Variants in NAALADL2 observed in about 807,000 individuals in gnomAD.
The protein encoded by NAALADL2 is inactive N-acetylated-alpha-linked acidic dipeptidase-like protein 2.
In NAALADL2, 76 loss-of-function variants were observed where a neutral mutation model predicts 87.2. The observed-to-expected ratio is 0.87, with a 90% confidence interval of 0.72 to 1.05. The LOEUF is 1.05. Ranked by LOEUF, NAALADL2 falls within the 50% of genes least tolerant of loss-of-function variation. The pLI, the probability that NAALADL2 is intolerant of heterozygous loss-of-function variation, is 0.00. For synonymous variants in NAALADL2, 354 were observed against 331.0 expected (o/e 1.07, Z -0.75); for missense variants, 1,089 against 945.8 (o/e 1.15, Z -1.99).
chr3:174,897,593 T>C (rs1264575200), intron 1 of NAALADL2, among the ~76,000 whole-genome samples: 1 of 152,186 alleles, frequency 6.6e-6, no homozygotes, highest in Non-Finnish European at 1.5e-5. Context: ...ACAATCACTA[T>C]GGAGAACAGT....
chr3:175,647,496 G>A (rs1730172807), intron 11 of NAALADL2, among the ~76,000 whole-genome samples: 2 of 152,066 alleles, frequency 1.3e-5, no homozygotes, highest in Non-Finnish European at 2.9e-5. Flanking sequence ...ATTTCTCGTG[G>A]TGACAATTAA....
chr3:175,181,713 G>GTTTATATGCATATATA lies in NAALADL2; in HGVS notation c.546-52217_546-52216insTTATATGCATATATAT, dbSNP rs775589636. The stretch of plus-strand genomic sequence containing the variant: ...TATATATATATATATATGTGTGTGT[G>GTTTATATGCATATATA]TGTGTATATATATGTATATATGTGT... On this transcript the variant is annotated intron_variant, in intron 2 of 13. Transcript: ENST00000454872. Among the ~76,000 whole-genome samples the GTTTATATGCATATATA allele has an allele frequency of 2.1e-3, 76 of 36,966 alleles. 1 individual carries two copies. The East Asian group carries it at 0.068, about 33-fold the overall frequency. 24.3% of individuals were successfully genotyped at this position (36,966 alleles called of 152,430 possible).
chr3:175,124,055 C>T (rs1250730350), intron 2 of NAALADL2, among the ~76,000 whole-genome samples: 1 of 151,766 alleles, frequency 6.6e-6, no homozygotes, highest in Non-Finnish European at 1.5e-5. Context: ...TTGTTTTTGC[C>T]CATCTCTTGT....
intron 5 of NAALADL2, among the ~76,000 whole-genome samples, chr3:175,398,368 C>CA (rs1287368704): frequency 7.0e-4 from 74 of 105,372 alleles, no homozygotes; most frequent in Middle Eastern, 5.0e-3. Context: ...TTTTTTTTTC[C>CA]ATCCTTTGCA....
chr3:175,750,386 TTC>T (rs1036599610), intron 12 of NAALADL2, among the ~76,000 whole-genome samples: 5 of 152,092 alleles, frequency 3.3e-5, no homozygotes, highest in African/African-American at 7.2e-5. Context: ...TGACTAACAT[TTC>T]TCTCTCTCTT....
At chr3:174,755,184 C>A (rs1036141001) in intron 3 of NAALADL2, among the ~76,000 whole-genome samples, 1 of 152,182 alleles carries the variant, frequency 6.6e-6, no homozygotes, top group Non-Finnish European at 1.5e-5. Context: ...TGCATTCATT[C>A]TCCTTCCTCT....
chr3:175,527,359 T>TATAATTATAATCTA (rs1733559557), intron 9 of NAALADL2, among the ~76,000 whole-genome samples: 1 of 152,196 alleles, frequency 6.6e-6, no homozygotes, highest in Non-Finnish European at 1.5e-5. Flanking sequence ...AATGATGGAC[T>TATAATTATAATCTA]GGTAATATCT....
At chr3:175,418,749 A>G (rs893230321) in intron 5 of NAALADL2, among the ~76,000 whole-genome samples, 1 of 151,980 alleles carries the variant, frequency 6.6e-6, no homozygotes, top group Non-Finnish European at 1.5e-5. Context: ...TTGGAAAGCA[A>G]GAGGAGCACA....
intron 3 of NAALADL2, among the ~76,000 whole-genome samples, chr3:175,249,704 G>A (rs914056010): frequency 2.6e-5 from 4 of 152,172 alleles, no homozygotes; most frequent in Admixed American, 2.6e-4. Context: ...GAACTTTAGG[G>A]TAACTAAGTA....
At chr3:175,608,606 A>G (rs1349357574) in intron 10 of NAALADL2, among the ~76,000 whole-genome samples, 2 of 152,038 alleles carry the variant, frequency 1.3e-5, no homozygotes, top group Admixed American at 1.3e-4. Context: ...AAAATGAGAC[A>G]ATCCTTTAAA....
rs773053659 is a variant in NAALADL2, at chr3:175,467,165, G to T, written c.1514G>T (p.Gly505Val). ...GGAGGAACAGCTTTTGGCAATATTGGCTCATATGAATGGGGAGAGGTAAAG... is the reference window on the plus strand; with the variant it reads ...GGAGGAACAGCTTTTGGCAATATTGTCTCATATGAATGGGGAGAGGTAAAG... ...SWGGTAFGNI[G>V]SYEWGEDFKK... The change falls in exon 8 of 14, where the codon GGC becomes GTC. Residue 505 changes from glycine (G) to valine (V), a missense_variant. Gly to Val is a moderately radical substitution (Grantham distance 109). Coordinates refer to ENST00000454872, the MANE Select transcript of NAALADL2 (RefSeq NM_207015.3). The T allele has an allele frequency of 1.1e-5, 17 of 1,613,508 alleles. No homozygotes were observed. The highest frequency in any genetic ancestry group is 1.4e-5 in the Non-Finnish European group (17 of 1,179,650).
chr3:175,688,588 C>G (rs1736627247), intron 11 of NAALADL2, among the ~76,000 whole-genome samples: 1 of 152,000 alleles, frequency 6.6e-6, no homozygotes, highest in African/African-American at 2.4e-5. Flanking sequence ...AGTCCAGGGA[C>G]AGGTAGATAA....
intron 11 of NAALADL2, among the ~76,000 whole-genome samples, chr3:175,645,803 G>T (rs1729929727): frequency 6.6e-6 from 1 of 152,114 alleles, no homozygotes; most frequent in Non-Finnish European, 1.5e-5. Flanking sequence ...CCAAGACAGT[G>T]TGAAAGGGTT....
chr3:174,822,109 T>C (rs1444472310), intron 3 of NAALADL2, among the ~76,000 whole-genome samples: 1 of 151,816 alleles, frequency 6.6e-6, no homozygotes, highest in Non-Finnish European at 1.5e-5. Flanking sequence ...TTGACAAAAA[T>C]AAGTGAGGTG....
At chr3:175,688,134 T>C (rs183897489) in intron 11 of NAALADL2, among the ~76,000 whole-genome samples, 1 of 152,294 alleles carries the variant, frequency 6.6e-6, no homozygotes, top group Non-Finnish European at 1.5e-5. Flanking sequence ...GTTAAGGTCC[T>C]GTATGTAAGC....
At chr3:175,123,397 C>T (rs576266752) in intron 2 of NAALADL2, among the ~76,000 whole-genome samples, 9 of 152,002 alleles carry the variant, frequency 5.9e-5, no homozygotes, top group Non-Finnish European at 1.0e-4. Context: ...TTTTAACTTC[C>T]GAGTACTTGG....
chr3:174,618,472 C>T (rs1720693389), intron 2 of NAALADL2, among the ~76,000 whole-genome samples: 1 of 151,608 alleles, frequency 6.6e-6, no homozygotes, highest in African/African-American at 2.4e-5. Context: ...ATTTTGTTTA[C>T]TATAACACAG....
chr3:174,628,146 G>A (rs1214030020), intron 2 of NAALADL2, among the ~76,000 whole-genome samples: 1 of 152,130 alleles, frequency 6.6e-6, no homozygotes, highest in Non-Finnish European at 1.5e-5. Flanking sequence ...TCAAGTCTTT[G>A]AAGATACAAG....
intron 1 of NAALADL2, among the ~76,000 whole-genome samples, chr3:175,094,413 T>G (rs1288124531): frequency 6.6e-6 from 1 of 152,046 alleles, no homozygotes; most frequent in African/African-American, 2.4e-5. Flanking sequence ...TCAGACTTTT[T>G]TCTATCCTCT....
Sources: gnomAD v4.1 joint callset for allele counts (sites outside exome capture counted in the v4.1 genomes callset) on GRCh38, gnomAD v4.1.1 for gene constraint, MANE v1.5 for transcripts, NCBI Gene and HGNC (gene_info 2026-07-23, HGNC 2026-07-21) for gene names.